The following FNIP2 variants were observed in gnomAD, a reference collection of about 807,000 sequenced individuals.
FNIP2 encodes folliculin-interacting protein 2.
A neutral mutation model predicts 108.7 loss-of-function variants in FNIP2; 32 were observed. The observed-to-expected ratio is 0.29, with a 90% confidence interval of 0.22 to 0.40. The LOEUF (loss-of-function observed/expected upper bound fraction) is 0.40, where lower values mean the gene tolerates loss of function less well. Ranked by LOEUF, FNIP2 falls within the 10% of genes least tolerant of loss-of-function variation. The probability of loss-of-function intolerance (pLI) is 1.00; values close to 1 mark genes in which losing one functional copy is unlikely to be tolerated. For missense variants in FNIP2, 1,202 were observed against 1,381.6 expected (o/e 0.87, Z 2.06); for synonymous variants, 480 against 496.7 (o/e 0.97, Z 0.45).
chr4:158,874,657 A>AAAT (rs940078782), intron 14 of FNIP2, among the ~76,000 whole-genome samples: 6 of 151,834 alleles, frequency 4.0e-5, no homozygotes, highest in East Asian at 1.9e-4. Context: ...TCATCTCAGT[A>AAAT]AATAATAATA....
At chr4:158,818,017 C>T (rs1456224438) in intron 1 of FNIP2, among the ~76,000 whole-genome samples, 2 of 152,216 alleles carry the variant, frequency 1.3e-5, no homozygotes, top group Non-Finnish European at 2.9e-5. Context: ...GGTAGTGGTG[C>T]TGTAAGTGCC....
intron 1 of FNIP2, among the ~76,000 whole-genome samples, chr4:158,782,809 CA>C (rs1463295112): frequency 6.6e-6 from 1 of 152,160 alleles, no homozygotes; most frequent in Non-Finnish European, 1.5e-5. Flanking sequence ...ATCTTATCTA[CA>C]GAGTGCTAAA....
intron 3 of FNIP2, among the ~76,000 whole-genome samples, chr4:158,830,661 A>G (rs1290838907): frequency 6.6e-6 from 1 of 152,128 alleles, no homozygotes; most frequent in African/African-American, 2.4e-5. Flanking sequence ...GTGTGTATGT[A>G]TTTGGAGTTT....
At chr4:158,863,242 C>T (rs1231084776) in intron 12 of FNIP2, among the ~76,000 whole-genome samples, 3 of 152,204 alleles carry the variant, frequency 2.0e-5, no homozygotes, top group East Asian at 1.9e-4. Flanking sequence ...ACAAAGAAGT[C>T]GGGGGCCTTC....
intron 1 of FNIP2, among the ~76,000 whole-genome samples, chr4:158,813,160 G>C (rs1777374629): frequency 6.6e-6 from 1 of 152,128 alleles, no homozygotes; most frequent in Non-Finnish European, 1.5e-5. Context: ...TGGCAATTAT[G>C]AATAAAGCTC....
intron 5 of FNIP2, 22 bp from the exon 6 acceptor site, chr4:158,833,506 T>TC (rs763045165): frequency 7.7e-5 from 115 of 1,493,394 alleles, no homozygotes; most frequent in East Asian, 2.7e-4. Flanking sequence ...TTTCTCCTTT[T>TC]CCCCCCCATC....
At chr4:158,858,814 A>G (rs945020031) in intron 8 of FNIP2, among the ~76,000 whole-genome samples, 7 of 152,252 alleles carry the variant, frequency 4.6e-5, no homozygotes, top group African/African-American at 1.7e-4. Flanking sequence ...AAGAGTAACA[A>G]CGGGAAATTT....
intron 14 of FNIP2, among the ~76,000 whole-genome samples, chr4:158,887,333 C>T (rs190367817): frequency 6.6e-6 from 1 of 152,308 alleles, no homozygotes; most frequent in Admixed American, 6.5e-5. Flanking sequence ...TGACAGATTT[C>T]ACTATTTACT....
At chr4:158,818,345 A>C (rs1777689086) in intron 1 of FNIP2, among the ~76,000 whole-genome samples, 1 of 152,228 alleles carries the variant, frequency 6.6e-6, no homozygotes, top group South Asian at 2.1e-4. Context: ...TTTGTTAGAG[A>C]TCAGTTATAT....
intron 7 of FNIP2, among the ~76,000 whole-genome samples, chr4:158,841,034 C>G (rs1233912465): frequency 6.6e-6 from 1 of 152,168 alleles, no homozygotes; most frequent in Non-Finnish European, 1.5e-5. Context: ...TTTGGTCACT[C>G]TGCAGATACA....
At position 158,868,071 on chromosome 4, in the gene FNIP2, C is replaced by G. The variant is rs754695549; in HGVS notation, c.1466-31C>G. On this transcript the variant is annotated intron_variant, in intron 12 of 16. Transcript: ENST00000264433. This position sits in a 1 kb window ranked among gnomAD's most constrained non-coding sequence, Gnocchi z 4.6. ...TCTGTGACATGCTAACCCCAGAGAC[C>G]ACTGCCTTTGTGTCCACCTTTGCTC... is the stretch of plus-strand genomic sequence containing the variant. 1.2e-6 allele frequency: 2 copies of G among 1,605,482 alleles called. No homozygotes were observed. Among genetic ancestry groups the G allele is most frequent in the South Asian group, 2.2e-5 (2 of 90,216 alleles).
At position 158,834,731 on chromosome 4, in the gene FNIP2, C is replaced by T. The variant is rs536819809; in HGVS notation, c.656-674C>T. 4 of 152,342 alleles carry T rather than the reference C, an allele frequency of 2.6e-5. No individual in the cohort carries two copies. In the South Asian group the frequency reaches 6.2e-4, roughly 24 times the overall value. 9.4% of individuals were successfully genotyped at this position (152,342 alleles called of 1,614,324 possible). On this transcript the variant is annotated intron_variant, in intron 6 of 16. Transcript: ENST00000264433. ...TCTACCTTCTAGCACAATAAGTATA[C>T]AGCTTAGGTCAATCTGAAGCATTCC...
intron 1 of FNIP2, among the ~76,000 whole-genome samples, chr4:158,774,645 AG>A (rs1317992282): frequency 1.3e-5 from 2 of 152,228 alleles, no homozygotes; most frequent in Admixed American, 1.3e-4. Context: ...CAATAATGAT[AG>A]GAGATATGTA....
chr4:158,875,084 C>G (rs961361564), intron 14 of FNIP2, among the ~76,000 whole-genome samples: 1 of 145,228 alleles, frequency 6.9e-6, no homozygotes, highest in African/African-American at 2.6e-5. Context: ...GCGAGACTGT[C>G]TCAAAAAAAA....
In FNIP2 at chr4:158,869,170, C is replaced by T. The variant is rs756683562; in HGVS notation, c.2534C>T (p.Ala845Val). ...EATRGLYVKA[A>V]EGPVLEPVAP... Reference sequence around the variant, plus strand: ...ACTAGAGGTTTGTATGTGAAGGCTGCGGAAGGACCTGTGCTGGAGCCTGTT... The same window carrying T: ...ACTAGAGGTTTGTATGTGAAGGCTGTGGAAGGACCTGTGCTGGAGCCTGTT... Residue 845 changes from alanine (A) to valine (V), a missense_variant, in exon 13 of 17, where the codon GCG (alanine) becomes GTG (valine). Physicochemically the swap from Ala to Val is moderately conservative, Grantham distance 64. Around this residue, in one of 5 missense-constraint regions of FNIP2, gnomAD observed 878 missense variants for 990.3 expected, o/e 0.89. Coordinates refer to ENST00000264433, the MANE Select transcript of FNIP2 (RefSeq NM_020840.3). The T allele has an allele frequency of 3.8e-5, 62 of 1,613,882 alleles. No homozygotes were observed. The East Asian group carries it at 4.0e-4, about 10-fold the overall frequency.
Position 158,869,152 on chromosome 4 carries a change from G to T in FNIP2, c.2516G>T (p.Gly839Val). The T allele has an allele frequency of 1.9e-6, 3 of 1,614,068 alleles. No individual in the cohort carries two copies. The highest frequency in any genetic ancestry group is 2.5e-6 in the Non-Finnish European group (3 of 1,179,894). Reference sequence around the variant, plus strand: ...GGGAGGAGGCTGGAGGCCACTAGAGGTTTGTATGTGAAGGCTGCGGAAGGA... The same window carrying T: ...GGGAGGAGGCTGGAGGCCACTAGAGTTTTGTATGTGAAGGCTGCGGAAGGA... ...TGGRRLEATR[G>V]LYVKAAEGPV... is the part of the protein sequence containing the mutation. Residue 839 changes from glycine to valine, a missense_variant, in exon 13 of 17, where the codon GGT becomes GTT. Around this residue, in one of 5 missense-constraint regions of FNIP2, gnomAD observed 878 missense variants for 990.3 expected, o/e 0.89. Coordinates refer to ENST00000264433, the MANE Select transcript of FNIP2 (RefSeq NM_020840.3).
At chr4:158,793,178 C>T (rs1400367707) in intron 1 of FNIP2, among the ~76,000 whole-genome samples, 3 of 152,188 alleles carry the variant, frequency 2.0e-5, no homozygotes, top group Admixed American at 6.5e-5. Flanking sequence ...ATACTTAGGT[C>T]AGAGGACCCA....
At chr4:158,805,143 G>A (rs1163273815) in intron 1 of FNIP2, among the ~76,000 whole-genome samples, 5 of 152,158 alleles carry the variant, frequency 3.3e-5, no homozygotes, top group Admixed American at 3.3e-4. Context: ...CACCAACCTA[G>A]TACAAAGGTG....
Position 158,859,076 on chromosome 4 carries a change from A to G in FNIP2, c.877A>G (p.Ser293Gly). The G allele has an allele frequency of 3.7e-6, 6 of 1,613,964 alleles. No homozygotes were observed. The highest frequency in any genetic ancestry group is 1.6e-4 in the Middle Eastern group (1 of 6,062). The change falls in exon 9 of 17, where the codon AGC becomes GGC. Residue 293 changes from serine (S) to glycine (G), a missense_variant. Coordinates refer to ENST00000264433, the MANE Select transcript of FNIP2 (RefSeq NM_020840.3). ...CTCCAGGTCAACTGATGAGACATTC[A>G]GCTTGGCTGAAGAAACCTGTAGCTC... is the stretch of plus-strand genomic sequence containing the variant. The part of the protein sequence containing the change: ...IPRRSTDETF[S>G]LAEETCSSNP...
Sources: allele counts gnomAD v4.1 joint callset (sites outside exome capture counted in the v4.1 genomes callset), GRCh38; gene constraint gnomAD v4.1.1; regional missense constraint gnomAD v4.1.1; non-coding constraint Gnocchi (gnomAD v3.1); transcripts MANE v1.5; gene names NCBI Gene and HGNC (gene_info 2026-07-23, HGNC 2026-07-21).